Variants in PTCD2 observed in about 807,000 individuals in gnomAD.
PTCD2 encodes the protein pentatricopeptide repeat-containing protein 2, mitochondrial.
In PTCD2, 31 loss-of-function variants were observed where a neutral mutation model predicts 42.6. The ratio of observed to expected loss-of-function variants is 0.73; its 90% CI spans 0.55 to 0.98. PTCD2 has a LOEUF of 0.98. PTCD2 is among the 50% of genes least tolerant of loss of function. The pLI, the probability that PTCD2 is intolerant of heterozygous loss-of-function variation, is 0.00. For synonymous variants in PTCD2, 183 were observed against 170.9 expected (o/e 1.07, Z -0.55); for missense variants, 476 against 454.8 (o/e 1.05, Z -0.42).
intron 9 of PTCD2, among the ~76,000 whole-genome samples, chr5:72,355,462 T>A (rs1370749526): frequency 6.6e-6 from 1 of 152,174 alleles, no homozygotes; most frequent in East Asian, 1.9e-4. Flanking sequence ...GTTTTGAAAG[T>A]GAAAGTGAGG....
rs981355030 is a variant in PTCD2 at position 72,331,869 on chromosome 5, A to T, written c.468+494A>T. On this transcript the variant is annotated intron_variant, in intron 4 of 9. Coordinates refer to ENST00000380639, the MANE Select transcript of PTCD2 (RefSeq NM_024754.5). Reference sequence around the variant, plus strand: ...TTTTACAGCTACTCATTGAATATTTACTATGTCTTCAGCATTGTGTTTAAG... The same window carrying T: ...TTTTACAGCTACTCATTGAATATTTTCTATGTCTTCAGCATTGTGTTTAAG... 3.9e-5 allele frequency among the ~76,000 whole-genome samples: 6 copies of T among 152,216 alleles called. No homozygotes were observed. In the South Asian group the frequency reaches 1.2e-3, roughly 31 times the overall value.
chr5:72,348,795 T>G (rs528189904), intron 8 of PTCD2, among the ~76,000 whole-genome samples: 14 of 152,392 alleles, frequency 9.2e-5, no homozygotes, highest in African/African-American at 3.1e-4. Context: ...TGAATTTACC[T>G]TGCAAGGGAA....
chr5:72,356,163 A>G (rs1951320074), intron 9 of PTCD2, among the ~76,000 whole-genome samples: 1 of 152,244 alleles, frequency 6.6e-6, no homozygotes, highest in African/African-American at 2.4e-5. Context: ...TTTAAAGTGC[A>G]TAGTCACGTG....
chr5:72,362,233 C>T lies in PTCD2; in HGVS notation c.*3806C>T, dbSNP rs994833930. Reference sequence around the variant, plus strand: ...AAGGTGTTGGTATTAGATGATGTAGCCTTTGGGAAGGAATTAGGGTGGTGC... The same window carrying T: ...AAGGTGTTGGTATTAGATGATGTAGTCTTTGGGAAGGAATTAGGGTGGTGC... On this transcript the variant is annotated 3_prime_UTR_variant, in exon 10 of 10. Transcript: ENST00000380639. The T allele has an allele frequency of 1.3e-5, 2 of 152,084 alleles. No individual in the cohort carries two copies. The highest frequency in any genetic ancestry group is 4.8e-5 in the African/African-American group (2 of 41,412). 9.4% of individuals were successfully genotyped at this position (152,084 alleles called of 1,614,324 possible).
Position 72,361,238 on chromosome 5 carries a change from A to G in PTCD2, c.*2811A>G, listed in dbSNP as rs1015727411. On this transcript the variant is annotated 3_prime_UTR_variant, in exon 10 of 10. Coordinates refer to ENST00000380639, the MANE Select transcript of PTCD2 (RefSeq NM_024754.5). ...ACTCCAAAACTCAGTGACTTTAAAC[A>G]ACACCAGTCATTGTGTTATTTCTCA... 6.6e-6 allele frequency: 1 copy of G among 152,204 alleles called. No homozygotes were observed. The highest frequency in any genetic ancestry group is 2.4e-5 in the African/African-American group (1 of 41,448). 9.4% of individuals were successfully genotyped at this position (152,204 alleles called of 1,614,324 possible).
Position 72,363,064 on chromosome 5 carries a change from T to C in PTCD2, c.*4637T>C, listed in dbSNP as rs1374933127. 1 of 152,254 alleles carries C rather than the reference T, an allele frequency of 6.6e-6. No individual in the cohort carries two copies. Among genetic ancestry groups the C allele is most frequent in the Non-Finnish European group, 1.5e-5 (1 of 68,036 alleles). The allele number at this position is 152,254 out of a possible 1,614,324, so 9.4% of individuals were successfully genotyped here. On this transcript the variant is annotated 3_prime_UTR_variant, in exon 10 of 10. Transcript: ENST00000380639. Reference sequence around the variant, plus strand: ...TTGGGTAGGCAAAAATGTAGGCTTCTCTGTTTCTTTGCAGTGAACTAAAAC... The same window carrying C: ...TTGGGTAGGCAAAAATGTAGGCTTCCCTGTTTCTTTGCAGTGAACTAAAAC...
At chr5:72,357,794 G>A (rs920748651) in intron 9 of PTCD2, among the ~76,000 whole-genome samples, 1 of 151,046 alleles carries the variant, frequency 6.6e-6, no homozygotes, top group Admixed American at 6.6e-5. Flanking sequence ...TAGTAATACT[G>A]CTGTCTGTGT....
chr5:72,344,524 T>C (rs894910833), intron 8 of PTCD2, among the ~76,000 whole-genome samples: 1 of 151,956 alleles, frequency 6.6e-6, no homozygotes, highest in Admixed American at 6.6e-5. Context: ...AAAAAAAGAA[T>C]ATGAACTGTG....
At chr5:72,352,535 A>C (rs1032367181) in intron 8 of PTCD2, 106 bp from the exon 9 acceptor site, 2 of 573,802 alleles carry the variant, frequency 3.5e-6, no homozygotes, top group Non-Finnish European at 6.2e-6. Context: ...AGTAGGATCA[A>C]AGCAGGGTAG....
intron 3 of PTCD2, among the ~76,000 whole-genome samples, chr5:72,328,434 A>T (rs1751257693): frequency 6.6e-6 from 1 of 152,224 alleles, no homozygotes; most frequent in Admixed American, 6.5e-5. Context: ...AGAGCTGCCC[A>T]GAATTGGCAT....
intron 2 of PTCD2, among the ~76,000 whole-genome samples, chr5:72,322,840 CAA>C (rs1750934332): frequency 6.6e-6 from 1 of 152,194 alleles, no homozygotes; most frequent in Non-Finnish European, 1.5e-5. Flanking sequence ...TCTTAAAAAA[CAA>C]GAGAAACCTG....
chr5:72,365,479 A>C lies in PTCD2; in HGVS notation c.*7052A>C, dbSNP rs1438815314. On this transcript the variant is annotated 3_prime_UTR_variant, in exon 10 of 10. Coordinates refer to ENST00000380639, the MANE Select transcript of PTCD2 (RefSeq NM_024754.5). ...CATGAAGGAAGGCATAACCCCTGCAAAGTGACTGCCCTACAACTCAATTTG... is the reference window on the plus strand; with the variant it reads ...CATGAAGGAAGGCATAACCCCTGCACAGTGACTGCCCTACAACTCAATTTG... The C allele has an allele frequency of 6.6e-6, 1 of 152,230 alleles. No individual in the cohort carries two copies. The highest frequency in any genetic ancestry group is 1.9e-4 in the East Asian group (1 of 5,200). The allele number at this position is 152,230 out of a possible 1,614,324, so 9.4% of individuals were successfully genotyped here. A position where few individuals can be genotyped will look rare whatever the true frequency, so the allele number is the denominator to read the frequency against.
chr5:72,320,618 G>A (rs1383905293), intron 1 of PTCD2, 109 bp downstream of exon 1: 2 of 1,491,288 alleles, frequency 1.3e-6, no homozygotes, highest in Non-Finnish European at 1.8e-6. Flanking sequence ...GTCACTCACT[G>A]GCCTGGAGCG....
rs1054258362 is a variant in PTCD2 at position 72,360,533 on chromosome 5, T to C, written c.*2106T>C. On this transcript the variant is annotated 3_prime_UTR_variant, in exon 10 of 10. Transcript: ENST00000380639. ...ATAATGTTCACCCCAAAGTAATAGA[T>C]GATTTTAAAGTCTTAAAAGTCCAAT... The C allele has an allele frequency of 6.6e-6, 1 of 152,236 alleles. No individual in the cohort carries two copies. Among genetic ancestry groups the C allele is most frequent in the African/African-American group, 2.4e-5 (1 of 41,450 alleles). 9.4% of individuals were successfully genotyped at this position (152,236 alleles called of 1,614,324 possible).
chr5:72,326,245 T>A (rs2112128790), intron 2 of PTCD2, among the ~76,000 whole-genome samples: 1 of 152,362 alleles, frequency 6.6e-6, no homozygotes, highest in Non-Finnish European at 1.5e-5. Flanking sequence ...CTTTTTCTCA[T>A]GAGTCACCTA....
chr5:72,335,503 A>G (rs1244278129), intron 5 of PTCD2: 4 of 313,502 alleles, frequency 1.3e-5, no homozygotes, highest in African/African-American at 8.7e-5. Flanking sequence ...TAAGTGGCTG[A>G]ATTCTGGAGA....
At chr5:72,336,319 G>T (rs558053000) in intron 6 of PTCD2, among the ~76,000 whole-genome samples, 15 of 152,162 alleles carry the variant, frequency 9.9e-5, no homozygotes, top group Non-Finnish European at 1.5e-4. Context: ...GTCACCTCCA[G>T]ATATCCCTTA....
At position 72,322,268 on chromosome 5, in the gene PTCD2, A is replaced by C. The variant is rs774527545; in HGVS notation, c.220+4A>C. Reference sequence around the variant, plus strand: ...TGTAATCTTTCTGGCACTAAAGGTAATAGAATCTATTTTGTTAATTCTGTC... The same window carrying C: ...TGTAATCTTTCTGGCACTAAAGGTACTAGAATCTATTTTGTTAATTCTGTC... On this transcript the variant is annotated splice_donor_region_variant and intron_variant, in intron 2 of 9. Coordinates refer to ENST00000380639, the MANE Select transcript of PTCD2 (RefSeq NM_024754.5). 6.6e-7 allele frequency: 1 copy of C among 1,521,014 alleles called. No homozygotes were observed. Among genetic ancestry groups the C allele is most frequent in the South Asian group, 1.1e-5 (1 of 88,576 alleles). The allele number at this position is 1,521,014 out of a possible 1,614,324, so 94.2% of individuals were successfully genotyped here. A position where few individuals can be genotyped will look rare whatever the true frequency, so the allele number is the denominator to read the frequency against.
At position 72,335,075 on chromosome 5, in the gene PTCD2, T is replaced by C. The variant is rs1751658025; in HGVS notation, c.526T>C (p.Phe176Leu). 6.3e-7 allele frequency: 1 copy of C among 1,577,436 alleles called. No individual in the cohort carries two copies. The highest frequency in any genetic ancestry group is 1.1e-5 in the South Asian group (1 of 89,696). ...TSFNILMDML[F>L]IKGKYKSALQ... ...ATTCAATATTTTGATGGATATGTTATTTATCAAAGGCAAATATAAAAGTAA... is the reference window on the plus strand; with the variant it reads ...ATTCAATATTTTGATGGATATGTTACTTATCAAAGGCAAATATAAAAGTAA... The change falls in exon 5 of 10, where the codon TTT (phenylalanine) becomes CTT (leucine). Residue 176 changes from phenylalanine (F) to leucine (L), a missense_variant. Transcript: ENST00000380639.
Sources: gnomAD v4.1 joint callset for allele counts (sites outside exome capture counted in the v4.1 genomes callset) on GRCh38, gnomAD v4.1.1 for gene constraint, MANE v1.5 for transcripts, NCBI Gene and HGNC (gene_info 2026-07-23, HGNC 2026-07-21) for gene names.